The following TRRAP variants were observed in gnomAD, a reference collection of about 807,000 sequenced individuals.
The protein encoded by TRRAP is transformation/transcription domain associated protein.
In TRRAP, 41 loss-of-function variants were observed where a neutral mutation model predicts 438.8. The observed-to-expected ratio is 0.09, with a 90% CI of 0.07 to 0.12. TRRAP has a LOEUF of 0.12. Ranked by LOEUF, TRRAP falls within the 10% of genes least tolerant of loss-of-function variation. TRRAP has a pLI of 1.00. For missense variants in TRRAP, 3,122 were observed against 5,055.1 expected (o/e 0.62, Z 11.60); for synonymous variants, 1,994 against 1,962.9 (o/e 1.02, Z -0.42).
At chr7:98,959,541 A>T in intron 45 of TRRAP, 51 bp downstream of exon 45, 3 of 1,583,874 alleles carry the variant, frequency 1.9e-6, no homozygotes, top group Non-Finnish European at 2.6e-6. Context: ...GGCCACTAGC[A>T]GATACTGTCA....
In TRRAP at chr7:98,903,481, G is replaced by A; in HGVS notation, c.1000G>A (p.Ala334Thr). Residue 334 changes from alanine (A) to threonine (T), a missense_variant, in exon 12 of 73, where the codon GCT becomes ACT. Ala to Thr is a moderately conservative substitution (Grantham distance 58). Around this residue, in one of 24 missense-constraint regions of TRRAP, gnomAD observed 343 missense variants for 564.0 expected, o/e 0.61. Coordinates refer to ENST00000456197, the MANE Select transcript of TRRAP (RefSeq NM_001375524.1). ...TAHLRKELLI[A>T]AKHILTTELR... ...ACACCTCAGAAAGGAGCTTCTGATTGCTGCCAAACACATCCTCACCACAGA... is the reference window on the plus strand; with the variant it reads ...ACACCTCAGAAAGGAGCTTCTGATTACTGCCAAACACATCCTCACCACAGA... 6.2e-7 allele frequency: 1 copy of A among 1,614,198 alleles called. No individual in the cohort carries two copies. The highest frequency in any genetic ancestry group is 8.5e-7 in the Non-Finnish European group (1 of 1,180,042).
intron 3 of TRRAP, among the ~76,000 whole-genome samples, chr7:98,885,532 T>C (rs1795658364): frequency 6.6e-6 from 1 of 152,188 alleles, no homozygotes; most frequent in Non-Finnish European, 1.5e-5. Flanking sequence ...CAATGGATAG[T>C]ATTTTAGCTT....
At chr7:98,903,295 A>G in intron 11 of TRRAP, 84 bp from the exon 12 acceptor site, 1 of 1,553,700 alleles carries the variant, frequency 6.4e-7, no homozygotes, top group South Asian at 1.2e-5. Context: ...GGTCTTACTG[A>G]ATTTTTAAGA....
intron 53 of TRRAP, among the ~76,000 whole-genome samples, chr7:98,974,451 T>C (rs1444861290): frequency 6.6e-6 from 1 of 152,134 alleles, no homozygotes; most frequent in Non-Finnish European, 1.5e-5. Flanking sequence ...TTGTTCCCTG[T>C]GGGAATTCTG....
At chr7:98,979,750 C>A (rs190310325) in intron 58 of TRRAP, among the ~76,000 whole-genome samples, 8 of 152,198 alleles carry the variant, frequency 5.3e-5, no homozygotes, top group Admixed American at 2.6e-4. Flanking sequence ...TTCATAGATT[C>A]TTGATCATTT....
At position 98,903,445 on chromosome 7, in the gene TRRAP, G is replaced by T. The variant is rs1554407023; in HGVS notation, c.964G>T (p.Ala322Ser). ...GCTCCAGTTACTTTCAAATTGTCCA[G>T]CAGAGACTGCACACCTCAGAAAGGA... ...GMLQLLSNCP[A>S]ETAHLRKELL... The change falls in exon 12 of 73, where the codon GCA becomes TCA. Residue 322 changes from alanine (A) to serine (S), a missense_variant. This residue lies in a region of TRRAP where 343 missense variants were observed against 564.0 expected (regional missense o/e 0.61). Coordinates refer to ENST00000456197, the MANE Select transcript of TRRAP (RefSeq NM_001375524.1). 2 of 1,614,212 alleles carry T rather than the reference G, an allele frequency of 1.2e-6. No homozygotes were observed. Among genetic ancestry groups the T allele is most frequent in the Admixed American group, 1.7e-5 (1 of 60,026 alleles).
intron 69 of TRRAP, among the ~76,000 whole-genome samples, chr7:99,006,697 C>T (rs997088736): frequency 9.8e-5 from 15 of 152,342 alleles, no homozygotes; most frequent in Admixed American, 5.9e-4. Context: ...GGCTGGGACA[C>T]AGCTGCCACT....
intron 31 of TRRAP, 118 bp from the exon 32 acceptor site, chr7:98,945,629 T>C: frequency 8.5e-7 from 1 of 1,175,434 alleles, no homozygotes; most frequent in African/African-American, 1.5e-5. Flanking sequence ...TGCTTTCTGA[T>C]AATTTGTGTC....
At chr7:99,004,086 C>A in intron 67 of TRRAP, 104 bp from the exon 68 acceptor site, 1 of 1,158,128 alleles carries the variant, frequency 8.6e-7, no homozygotes, top group Non-Finnish European at 1.2e-6. Flanking sequence ...AACAAACAAA[C>A]AAAACATGTA....
chr7:98,996,805 C>T (rs532387702), intron 67 of TRRAP, among the ~76,000 whole-genome samples: 12 of 151,978 alleles, frequency 7.9e-5, no homozygotes, highest in African/African-American at 2.7e-4. Flanking sequence ...TGTTATATGC[C>T]GAACAGTTTA....
Position 98,892,478 on chromosome 7 carries a change from C to G in TRRAP, c.316C>G (p.Leu106Val), listed in dbSNP as rs1554405089. ...IIHRIPTNEH[L>V]RPHTKNVLSV... ...TCATAGAATACCAACCAACGAACAT[C>G]TTCGTCCTCACACAAAAAATGTTTT... Residue 106 changes from leucine (L) to valine (V), a missense_variant, in exon 5 of 73, where the codon CTT becomes GTT. Leu to Val is a conservative substitution (Grantham distance 32, BLOSUM62 1). Around this residue, in one of 24 missense-constraint regions of TRRAP, gnomAD observed 343 missense variants for 564.0 expected, o/e 0.61. Coordinates refer to ENST00000456197, the MANE Select transcript of TRRAP (RefSeq NM_001375524.1). 1.2e-6 allele frequency: 2 copies of G among 1,612,116 alleles called. No individual in the cohort carries two copies. The highest frequency in any genetic ancestry group is 1.1e-5 in the South Asian group (1 of 90,144).
chr7:98,974,936 G>A (rs944375013), intron 53 of TRRAP, among the ~76,000 whole-genome samples: 1 of 152,200 alleles, frequency 6.6e-6, no homozygotes, highest in African/African-American at 2.4e-5. Context: ...GGGTTAGGGT[G>A]TATAGAATTG....
chr7:98,920,684 A>G (rs1289466500), intron 20 of TRRAP, among the ~76,000 whole-genome samples: 1 of 152,064 alleles, frequency 6.6e-6, no homozygotes, highest in African/African-American at 2.4e-5. Flanking sequence ...TTCCTTTGCC[A>G]CCCTTTCTAA....
At position 98,950,187 on chromosome 7, in the gene TRRAP, C is replaced by A; in HGVS notation, c.5259C>A (p.Ile1753=). 3 of 1,614,202 alleles carry A rather than the reference C, an allele frequency of 1.9e-6. No homozygotes were observed. The highest frequency in any genetic ancestry group is 2.5e-6 in the Non-Finnish European group (3 of 1,180,030). Residue 1753 remains isoleucine, a synonymous_variant, in exon 38 of 73, where the codon ATC becomes ATA. Transcript: ENST00000456197. ...AAGAGATTCCCAAAAATTACAGCAT[C>A]GCTCAGAAACGTGCCCTGTTCTTTC... ...MEEEIPKNYS[I]AQKRALFFRF...
chr7:98,984,068 A>T, intron 60 of TRRAP, 25 bp from the exon 61 acceptor site: 1 of 1,559,234 alleles, frequency 6.4e-7, no homozygotes, highest in East Asian at 2.3e-5. Flanking sequence ...GGTGTGGGCT[A>T]ATGATTCCTT....
chr7:98,971,363 C>T (rs886349778), intron 52 of TRRAP, among the ~76,000 whole-genome samples: 2 of 152,144 alleles, frequency 1.3e-5, no homozygotes, highest in African/African-American at 4.8e-5. Flanking sequence ...AGGTGTATTC[C>T]TCTTTGGGAA....
chr7:99,000,682 G>C (rs1793881814), intron 67 of TRRAP, among the ~76,000 whole-genome samples: 1 of 152,224 alleles, frequency 6.6e-6, no homozygotes, highest in Non-Finnish European at 1.5e-5. Context: ...CCCCAGCGCT[G>C]GGATCAGAGG....
At chr7:98,966,033 A>G (rs1467507477) in intron 49 of TRRAP, 138 bp downstream of exon 49, 3 of 1,053,174 alleles carry the variant, frequency 2.8e-6, no homozygotes, top group South Asian at 3.2e-5. Context: ...TTCTTAATTA[A>G]GATGGATTTT....
intron 3 of TRRAP, among the ~76,000 whole-genome samples, chr7:98,886,414 A>C (rs1030531200): frequency 1.3e-5 from 2 of 152,050 alleles, no homozygotes; most frequent in African/African-American, 4.8e-5. Flanking sequence ...ATATCTAGAG[A>C]GATATGGATA....
Sources: allele counts gnomAD v4.1 joint callset (sites outside exome capture counted in the v4.1 genomes callset), GRCh38; gene constraint gnomAD v4.1.1; regional missense constraint gnomAD v4.1.1; transcripts MANE v1.5; gene names NCBI Gene and HGNC (gene_info 2026-07-23, HGNC 2026-07-21).